The following FRMD4A variants were observed in gnomAD, a reference collection of about 807,000 sequenced individuals.
The protein encoded by FRMD4A is FERM domain-containing protein 4A.
In FRMD4A, 29 loss-of-function variants were observed where a neutral mutation model predicts 129.1. The observed-to-expected ratio is 0.22, with a 90% confidence interval of 0.17 to 0.31. The LOEUF is 0.31. Ranked by LOEUF, FRMD4A falls within the 10% of genes least tolerant of loss-of-function variation. FRMD4A has a pLI of 1.00. For missense variants in FRMD4A, 1,272 were observed against 1,375.8 expected, an observed-to-expected ratio of 0.92 and a Z score of 1.19; for synonymous variants, 634 against 571.6, an observed-to-expected ratio of 1.11 and a Z score of -1.56.
chr10:13,891,413 G>A (rs545524918), intron 2 of FRMD4A, among the ~76,000 whole-genome samples: 1 of 152,276 alleles, frequency 6.6e-6, no homozygotes, highest in African/African-American at 2.4e-5. Flanking sequence ...TGTGTGTGCC[G>A]AGGGGAGGGT....
chr10:13,830,275 T>C (rs1267494883), intron 3 of FRMD4A, among the ~76,000 whole-genome samples: 1 of 152,174 alleles, frequency 6.6e-6, no homozygotes, highest in African/African-American at 2.4e-5. Context: ...GTCACTACCA[T>C]CCAGGTCACA....
chr10:14,053,333 C>G (rs542819611), intron 2 of FRMD4A, among the ~76,000 whole-genome samples: 2 of 152,272 alleles, frequency 1.3e-5, no homozygotes, highest in Non-Finnish European at 2.9e-5. Flanking sequence ...AGTAATTCTC[C>G]TTCCCTGTAA....
chr10:13,800,773 A>G (rs1251387388), intron 4 of FRMD4A, among the ~76,000 whole-genome samples: 1 of 152,190 alleles, frequency 6.6e-6, no homozygotes, highest in Non-Finnish European at 1.5e-5. Flanking sequence ...CGCACTGCCA[A>G]TTCTTCTTCA....
chr10:13,732,830 T>A (rs1449117718), intron 12 of FRMD4A, among the ~76,000 whole-genome samples: 1 of 152,206 alleles, frequency 6.6e-6, no homozygotes, highest in East Asian at 1.9e-4. Context: ...GCAGGGACAC[T>A]GCTGGCCACA....
rs545401548 is a variant in FRMD4A at position 14,175,952 on chromosome 10, A to G, written c.45+154106T>C. 7.9e-5 allele frequency among the ~76,000 whole-genome samples: 12 copies of G among 152,348 alleles called. No homozygotes were observed. In the South Asian group the frequency reaches 2.5e-3, roughly 32 times the overall value. Reference sequence around the variant, plus strand: ...ATCCTGACAAATCTGTAGACCCAACATATTGAGTGCAACTCGCTGTCCTTA... The same window carrying G: ...ATCCTGACAAATCTGTAGACCCAACGTATTGAGTGCAACTCGCTGTCCTTA... On this transcript the variant is annotated intron_variant, in intron 2 of 24. Transcript: ENST00000357447.
intron 2 of FRMD4A, among the ~76,000 whole-genome samples, chr10:14,257,585 G>A (rs1273794205): frequency 6.6e-6 from 1 of 152,200 alleles, no homozygotes; most frequent in Non-Finnish European, 1.5e-5. Context: ...ATTTGCAGGT[G>A]TAATTAGTTA....
At chr10:13,971,664 C>T (rs752729343) in intron 2 of FRMD4A, 112 of 1,303,162 alleles carry the variant, frequency 8.6e-5, no homozygotes, top group Middle Eastern at 6.4e-4. Context: ...ACCTGATAGA[C>T]GGCCCTGGAG....
chr10:14,030,876 T>C (rs1833206659), intron 2 of FRMD4A, among the ~76,000 whole-genome samples: 1 of 152,138 alleles, frequency 6.6e-6, no homozygotes, highest in Non-Finnish European at 1.5e-5. Context: ...AAAGCCTCTA[T>C]TCCTCTGCAT....
At chr10:14,120,000 T>G (rs1838411166) in intron 2 of FRMD4A, among the ~76,000 whole-genome samples, 2 of 151,530 alleles carry the variant, frequency 1.3e-5, no homozygotes, top group Admixed American at 6.6e-5. Context: ...ATCTGCTTTT[T>G]TTTTTTTTTT....
intron 2 of FRMD4A, among the ~76,000 whole-genome samples, chr10:13,935,807 C>G (rs2095244749): frequency 6.6e-6 from 1 of 152,156 alleles, no homozygotes; most frequent in Admixed American, 6.5e-5. Flanking sequence ...GAAACTGAGG[C>G]TCAAAAAGCT....
At chr10:14,042,978 C>A (rs1238057326) in intron 2 of FRMD4A, among the ~76,000 whole-genome samples, 2 of 141,816 alleles carry the variant, frequency 1.4e-5, no homozygotes, top group African/African-American at 5.1e-5. Context: ...AAACTCAGTA[C>A]TGAATTCTCC....
chr10:14,124,296 C>T (rs1323666959), intron 2 of FRMD4A, among the ~76,000 whole-genome samples: 1 of 152,204 alleles, frequency 6.6e-6, no homozygotes, highest in Admixed American at 6.5e-5. Flanking sequence ...GTGCCATGAT[C>T]ATTGCCTGAG....
chr10:13,655,335 T>C (rs535051638), intron 22 of FRMD4A: 13 of 152,138 alleles, frequency 8.5e-5, no homozygotes, highest in Non-Finnish European at 1.6e-4. Flanking sequence ...AACCCTCCTG[T>C]TTGTTGGAGA....
intron 3 of FRMD4A, among the ~76,000 whole-genome samples, chr10:13,852,440 G>A (rs2094152555): frequency 6.6e-6 from 1 of 151,934 alleles, no homozygotes; most frequent in African/African-American, 2.4e-5. Flanking sequence ...GGCCAGGATG[G>A]TCTTGATCTC....
chr10:13,666,279 T>C lies in FRMD4A; in HGVS notation c.1421A>G (p.Gln474Arg), dbSNP rs768810877. The C allele has an allele frequency of 1.9e-6, 3 of 1,614,154 alleles. No individual in the cohort carries two copies. Among genetic ancestry groups the C allele is most frequent in the Admixed American group, 3.3e-5 (2 of 60,028 alleles). The change falls in exon 18 of 25, where the codon CAG becomes CGG. Residue 474 changes from glutamine (Q) to arginine (R), a missense_variant. Physicochemically the swap from Gln to Arg is conservative, Grantham distance 43. Coordinates refer to ENST00000357447, the MANE Select transcript of FRMD4A (RefSeq NM_018027.5). ...TAGGCGGCGGGCGGCCTCCGTAATCTGGGACTGAATGGCAAACTCTCGTTC... is the reference window on the plus strand; with the variant it reads ...TAGGCGGCGGGCGGCCTCCGTAATCCGGGACTGAATGGCAAACTCTCGTTC... The part of the protein sequence containing the change: ...RLEREFAIQS[Q>R]ITEAARRLAS...
chr10:14,043,778 G>C (rs1161180650), intron 2 of FRMD4A, among the ~76,000 whole-genome samples: 1 of 152,164 alleles, frequency 6.6e-6, no homozygotes, highest in Non-Finnish European at 1.5e-5. Context: ...GCCTTACCTA[G>C]GTTAGTGGTA....
At chr10:14,190,134 C>G (rs766140327) in intron 2 of FRMD4A, among the ~76,000 whole-genome samples, 12 of 152,156 alleles carry the variant, frequency 7.9e-5, no homozygotes, top group Non-Finnish European at 1.5e-4. Flanking sequence ...GTTATCACTC[C>G]CATTTTACAG....
In FRMD4A at chr10:13,646,321, TTTTTATTTA is replaced by T. The variant is rs2081113135; in HGVS notation, c.*708_*716del. On this transcript the variant is annotated 3_prime_UTR_variant, in exon 25 of 25. Transcript: ENST00000357447. Reference sequence around the variant, plus strand: ...TCTTGGCCCCTCTTAATTTTTTATGTTTTTATTTATTTTTAATCTTTGGCAGCATAGAAC... The same window carrying T: ...TCTTGGCCCCTCTTAATTTTTTATGTTTTTTAATCTTTGGCAGCATAGAAC... 6.6e-6 allele frequency: 1 copy of T among 152,540 alleles called. No homozygotes were observed. Among genetic ancestry groups the T allele is most frequent in the African/African-American group, 2.4e-5 (1 of 41,408 alleles). The allele number at this position is 152,540 out of a possible 1,614,324, so 9.4% of individuals were successfully genotyped here.
At position 14,202,690 on chromosome 10, in the gene FRMD4A, C is replaced by T. The variant is rs559219647; in HGVS notation, c.45+127368G>A. Among the ~76,000 whole-genome samples the T allele has an allele frequency of 1.8e-4, 27 of 152,278 alleles. No individual in the cohort carries two copies. In the South Asian group the frequency reaches 4.8e-3, roughly 27 times the overall value. On this transcript the variant is annotated intron_variant, in intron 2 of 24. Transcript: ENST00000357447. The stretch of plus-strand genomic sequence containing the variant: ...TGCTGGGATTACAGGCATGAGCCAC[C>T]GCGACTGGCTACACCTGGTTAGTTT...
Sources: allele counts gnomAD v4.1 joint callset (sites outside exome capture counted in the v4.1 genomes callset), GRCh38; gene constraint gnomAD v4.1.1; transcripts MANE v1.5; gene names NCBI Gene and HGNC (gene_info 2026-07-23, HGNC 2026-07-21).